Variants in FHIT observed in about 807,000 individuals in gnomAD.
FHIT encodes fragile histidine triad diadenosine triphosphatase.
Under a neutral mutation model 17.9 loss-of-function variants are expected in FHIT, and 19 were observed. The observed-to-expected ratio is 1.06, with a 90% confidence interval of 0.74 to 1.56. The LOEUF (loss-of-function observed/expected upper bound fraction) is 1.56, where lower values mean the gene tolerates loss of function less well. Ranked by LOEUF, FHIT falls within the 40% of genes most tolerant of loss-of-function variation. The probability of loss-of-function intolerance (pLI) is 0.00; values close to 1 mark genes in which losing one functional copy is unlikely to be tolerated. For missense variants in FHIT, 248 were observed against 189.2 expected, an observed-to-expected ratio of 1.31 and a Z score of -1.82; for synonymous variants, 81 against 69.7, an observed-to-expected ratio of 1.16 and a Z score of -0.81.
At chr3:60,723,156 C>T (rs1716748) in intron 4 of FHIT, among the ~76,000 whole-genome samples, 58,521 of 152,000 alleles carry the variant, frequency 0.39, 11,698 homozygotes, top group African/African-American at 0.47. Flanking sequence ...ACTCTTCCCA[C>T]GGCATGCTGA....
Position 59,856,372 on chromosome 3 carries a change from T to C in FHIT, c.348+65974A>G, listed in dbSNP as rs1361386758. ...CCAGGTGATTTTACACGCAAATTTT[T>C]CCCAATGTTCAAGGAAGACATCATT... is the stretch of plus-strand genomic sequence containing the variant. On this transcript the variant is annotated intron_variant, in intron 8 of 9. Coordinates refer to ENST00000492590, the MANE Select transcript of FHIT (RefSeq NM_002012.4). Among the ~76,000 whole-genome samples the C allele has an allele frequency of 3.3e-5, 5 of 152,308 alleles. No homozygotes were observed. In the East Asian group the frequency reaches 5.8e-4, roughly 18 times the overall value.
chr3:60,566,141 T>C (rs1228533695), intron 4 of FHIT, among the ~76,000 whole-genome samples: 1 of 152,154 alleles, frequency 6.6e-6, no homozygotes, highest in African/African-American at 2.4e-5. Flanking sequence ...TTAATTTCTG[T>C]TCTTTTACAT....
chr3:60,872,634 G>C (rs1305739404), intron 3 of FHIT, among the ~76,000 whole-genome samples: 1 of 151,980 alleles, frequency 6.6e-6, no homozygotes, highest in Non-Finnish European at 1.5e-5. Context: ...ATTTTCCTCA[G>C]TCATTAGCCC....
In FHIT at chr3:59,788,879, A is replaced by ATGTTTTT. The variant is rs1553676981; in HGVS notation, c.349-36565_349-36559dup. ...GAACCACGTTCTTTGCTGAGTTCAT[A>ATGTTTTT]TGTTTTTTTTTTTTACCCCATCTCC... is the stretch of plus-strand genomic sequence containing the variant. On this transcript the variant is annotated intron_variant, in intron 8 of 9. Transcript: ENST00000492590. Among the ~76,000 whole-genome samples the ATGTTTTT allele has an allele frequency of 4.5e-3, 15 of 3,318 alleles. 1 individual carries two copies. The highest frequency in any genetic ancestry group is 0.015 in the African/African-American group (15 of 1,032). The allele number at this position is 3,318 out of a possible 152,430, so 2.2% of individuals were successfully genotyped here. A position where few individuals can be genotyped will look rare whatever the true frequency, so the allele number is the denominator to read the frequency against.
At chr3:61,044,507 T>C (rs138936875) in intron 2 of FHIT, among the ~76,000 whole-genome samples, 1,653 of 152,088 alleles carry the variant, frequency 0.011, 35 homozygotes, top group African/African-American at 0.038. Context: ...CTACATCTGA[T>C]TGGTGTACCT....
At chr3:60,302,009 A>G (rs964457173) in intron 5 of FHIT, among the ~76,000 whole-genome samples, 2 of 152,218 alleles carry the variant, frequency 1.3e-5, no homozygotes, top group Non-Finnish European at 2.9e-5. Context: ...TTGACTAAAT[A>G]TATTTAAAGT....
At chr3:61,020,199 G>A (rs1051104647) in intron 3 of FHIT, among the ~76,000 whole-genome samples, 2 of 152,192 alleles carry the variant, frequency 1.3e-5, no homozygotes, top group African/African-American at 4.8e-5. Flanking sequence ...TCCAGCACCT[G>A]TTGTTTCATG....
rs571785007 is a variant in FHIT at position 60,327,446 on chromosome 3, A to G, written c.103+209414T>C. Among the ~76,000 whole-genome samples, 5 of 152,352 alleles carry G rather than the reference A, an allele frequency of 3.3e-5. No individual in the cohort carries two copies. In the South Asian group the frequency reaches 1.0e-3, roughly 32 times the overall value. On this transcript the variant is annotated intron_variant, in intron 5 of 9. Transcript: ENST00000492590. ...TAGAGCAAAAACAGCCATAGCCAAT[A>G]AATATATAAATAAACGGGCATGGCT... is the stretch of plus-strand genomic sequence containing the variant.
At chr3:59,977,391 G>C (rs1192336951) in intron 7 of FHIT, among the ~76,000 whole-genome samples, 2 of 152,106 alleles carry the variant, frequency 1.3e-5, no homozygotes, top group Non-Finnish European at 2.9e-5. Context: ...TGGAAAAGTA[G>C]GCATCCCTGA....
At chr3:60,297,959 T>C (rs1178168785) in intron 5 of FHIT, among the ~76,000 whole-genome samples, 1 of 152,054 alleles carries the variant, frequency 6.6e-6, no homozygotes, top group Non-Finnish European at 1.5e-5. Context: ...CAACCTCCTC[T>C]TCATGTTCAA....
At chr3:60,676,463 T>C (rs782819328) in intron 4 of FHIT, among the ~76,000 whole-genome samples, 1 of 152,196 alleles carries the variant, frequency 6.6e-6, no homozygotes, top group African/African-American at 2.4e-5. Flanking sequence ...TTGTTCAACA[T>C]GTTTTCATTA....
chr3:60,769,510 G>C (rs1699969312), intron 4 of FHIT, among the ~76,000 whole-genome samples: 2 of 152,138 alleles, frequency 1.3e-5, no homozygotes, highest in Non-Finnish European at 2.9e-5. Flanking sequence ...AAATTTAAAG[G>C]ACTTTAATTG....
chr3:60,307,771 C>T (rs1176303899), intron 5 of FHIT, among the ~76,000 whole-genome samples: 2 of 152,160 alleles, frequency 1.3e-5, no homozygotes, highest in African/African-American at 4.8e-5. Flanking sequence ...AGCTGTTTCC[C>T]TACTATGATG....
chr3:59,931,761 T>C (rs1292830541), intron 7 of FHIT, among the ~76,000 whole-genome samples: 2 of 152,200 alleles, frequency 1.3e-5, no homozygotes, highest in Non-Finnish European at 1.5e-5. Flanking sequence ...AATTGTGTTT[T>C]TAAGCCATAC....
At chr3:60,491,140 A>G (rs1048779440) in intron 5 of FHIT, among the ~76,000 whole-genome samples, 2 of 152,210 alleles carry the variant, frequency 1.3e-5, no homozygotes, top group Non-Finnish European at 2.9e-5. Flanking sequence ...AAATAAGCTC[A>G]GATCTGAAAG....
At chr3:60,792,471 A>T (rs1700817238) in intron 4 of FHIT, among the ~76,000 whole-genome samples, 1 of 152,242 alleles carries the variant, frequency 6.6e-6, no homozygotes, top group African/African-American at 2.4e-5. Flanking sequence ...TAAAGACAGG[A>T]TGATAATAAA....
chr3:60,068,335 T>C (rs1702611647), intron 5 of FHIT, among the ~76,000 whole-genome samples: 1 of 152,238 alleles, frequency 6.6e-6, no homozygotes, highest in Non-Finnish European at 1.5e-5. Context: ...GGCATAAAAC[T>C]GTGATTTTTC....
At chr3:60,588,506 G>T (rs572732502) in intron 4 of FHIT, among the ~76,000 whole-genome samples, 2 of 151,952 alleles carry the variant, frequency 1.3e-5, no homozygotes, top group East Asian at 3.9e-4. Context: ...ATGGAAGGAG[G>T]GAAGGAAGGG....
intron 5 of FHIT, among the ~76,000 whole-genome samples, chr3:60,094,814 AG>A (rs1703873709): frequency 2.2e-5 from 2 of 91,670 alleles, no homozygotes; most frequent in East Asian, 3.0e-4. Context: ...AGAGAGAGAG[AG>A]AGAAGAAGAG....
Sources: gnomAD v4.1 joint callset for allele counts (sites outside exome capture counted in the v4.1 genomes callset) on GRCh38, gnomAD v4.1.1 for gene constraint, MANE v1.5 for transcripts, NCBI Gene and HGNC (gene_info 2026-07-23, HGNC 2026-07-21) for gene names.